ATF7IP2: variants seen among roughly 807,000 people sequenced by gnomAD.
ATF7IP2 encodes the protein activating transcription factor 7 interacting protein 2.
Under a neutral mutation model 64.2 loss-of-function variants are expected in ATF7IP2, and 42 were observed. The ratio of observed to expected loss-of-function variants is 0.65; its 90% confidence interval spans 0.51 to 0.85. The LOEUF is 0.85. ATF7IP2 is among the 40% of genes least tolerant of loss of function. ATF7IP2 has a pLI of 0.00. For missense variants in ATF7IP2, 933 were observed against 784.2 expected (o/e 1.19, Z -2.27); for synonymous variants, 308 against 272.8 (o/e 1.13, Z -1.27).
chr16:10,473,906 T>TA lies in ATF7IP2; in HGVS notation c.1483-17_1483-16insA, dbSNP rs1412876344. The TA allele has an allele frequency of 2.7e-6, 4 of 1,458,750 alleles. No homozygotes were observed. Among genetic ancestry groups the TA allele is most frequent in the Non-Finnish European group, 3.7e-6 (4 of 1,082,960 alleles). 90.4% of individuals were successfully genotyped at this position (1,458,750 alleles called of 1,614,324 possible). On this transcript the variant is annotated splice_polypyrimidine_tract_variant and intron_variant, in intron 11 of 13. Transcript: ENST00000562102. ...TATTGAGGCAAAGCTTTTTTTTTTT[T>TA]TTTACAATTTTTTTAGGCTGTACAG...
intron 9 of ATF7IP2, among the ~76,000 whole-genome samples, chr16:10,471,360 T>C (rs1250280048): frequency 6.6e-6 from 1 of 152,126 alleles, no homozygotes. Flanking sequence ...AAACCCTGTC[T>C]CTACTAAAAA....
Position 10,481,786 on chromosome 16 carries a change from C to A in ATF7IP2, c.1636-50C>A, listed in dbSNP as rs142645543. 4.0e-5 allele frequency: 56 copies of A among 1,402,348 alleles called. No individual in the cohort carries two copies. In the African/African-American group the frequency reaches 7.7e-4, roughly 19 times the overall value. The allele number at this position is 1,402,348 out of a possible 1,614,324, so 86.9% of individuals were successfully genotyped here. A position where few individuals can be genotyped will look rare whatever the true frequency, so the allele number is the denominator to read the frequency against. On this transcript the variant is annotated intron_variant, in intron 13 of 13. Transcript: ENST00000562102. The stretch of plus-strand genomic sequence containing the variant: ...GAATGAGAAATATATATTTCTACAA[C>A]TGCAATTGACCACTTTAAAAGCTAT...
At chr16:10,466,600 C>G (rs1264951596) in intron 9 of ATF7IP2, among the ~76,000 whole-genome samples, 1 of 151,924 alleles carries the variant, frequency 6.6e-6, no homozygotes, top group African/African-American at 2.4e-5. Flanking sequence ...ATTTGTATTT[C>G]CTTCTAATAA....
chr16:10,458,187 C>A (rs7195060), intron 9 of ATF7IP2, among the ~76,000 whole-genome samples: 83,429 of 152,016 alleles, frequency 0.55, 22,961 homozygotes, highest in East Asian at 0.69. Flanking sequence ...TGGGGGATTT[C>A]ACATGCAGTT....
At chr16:10,465,412 A>G (rs767308549) in intron 9 of ATF7IP2, among the ~76,000 whole-genome samples, 6 of 152,016 alleles carry the variant, frequency 3.9e-5, no homozygotes, top group Non-Finnish European at 7.4e-5. Context: ...TTCCATAAAA[A>G]TTATCAGTTT....
At chr16:10,459,387 G>C (rs1437716225) in intron 9 of ATF7IP2, among the ~76,000 whole-genome samples, 1 of 151,722 alleles carries the variant, frequency 6.6e-6, no homozygotes, top group Non-Finnish European at 1.5e-5. Context: ...AGAATGGCTT[G>C]AACCTGGGAG....
At chr16:10,399,249 G>A (rs918325556) in intron 1 of ATF7IP2, among the ~76,000 whole-genome samples, 2 of 152,180 alleles carry the variant, frequency 1.3e-5, no homozygotes, top group Non-Finnish European at 2.9e-5. Context: ...TGAAAAAATA[G>A]TAATACTAAA....
rs575923635 is a variant in ATF7IP2, at chr16:10,410,195, C to A, written c.-241-4379C>A. On this transcript the variant is annotated intron_variant, in intron 1 of 13. Coordinates refer to ENST00000562102, the MANE Select transcript of ATF7IP2 (RefSeq NM_001393719.1). ...TCATTTTCACAGTATTGTCTCTACC[C>A]ATCCGTGAGCACGGGATGTGTTTTC... Among the ~76,000 whole-genome samples the A allele has an allele frequency of 2.0e-5, 3 of 152,280 alleles. No individual in the cohort carries two copies. The South Asian group carries it at 6.2e-4, about 32-fold the overall frequency.
At chr16:10,428,542 G>C (rs1166265569) in intron 3 of ATF7IP2, among the ~76,000 whole-genome samples, 2 of 152,086 alleles carry the variant, frequency 1.3e-5, no homozygotes, top group African/African-American at 4.8e-5. Flanking sequence ...TGTGATTGGG[G>C]GATTTATTTG....
At chr16:10,444,808 G>A (rs1228421915) in intron 8 of ATF7IP2, among the ~76,000 whole-genome samples, 2 of 152,110 alleles carry the variant, frequency 1.3e-5, no homozygotes, top group Admixed American at 6.5e-5. Flanking sequence ...GCACTGAAAC[G>A]AGTTCCATTA....
At chr16:10,426,582 A>T (rs2048090263) in intron 3 of ATF7IP2, among the ~76,000 whole-genome samples, 1 of 152,178 alleles carries the variant, frequency 6.6e-6, no homozygotes, top group African/African-American at 2.4e-5. Flanking sequence ...TTCTTACTAT[A>T]TATTGTAATA....
At chr16:10,453,396 G>T (rs551417011) in intron 8 of ATF7IP2, among the ~76,000 whole-genome samples, 1 of 152,086 alleles carries the variant, frequency 6.6e-6, no homozygotes, top group Admixed American at 6.6e-5. Context: ...GCTTTAGCTC[G>T]CTGTCTGTGG....
intron 12 of ATF7IP2, among the ~76,000 whole-genome samples, chr16:10,474,196 G>T (rs2049918295): frequency 6.6e-6 from 1 of 152,084 alleles, no homozygotes. Flanking sequence ...CTCACACCTT[G>T]TTTCTGCCCC....
At chr16:10,455,459 T>G (rs2049133388) in intron 8 of ATF7IP2, among the ~76,000 whole-genome samples, 1 of 152,248 alleles carries the variant, frequency 6.6e-6, no homozygotes, top group Admixed American at 6.5e-5. Context: ...AACTTTTGGC[T>G]TCTAAAGCTG....
chr16:10,406,099 AAG>A (rs2047633918), intron 1 of ATF7IP2, among the ~76,000 whole-genome samples: 1 of 151,864 alleles, frequency 6.6e-6, no homozygotes, highest in Non-Finnish European at 1.5e-5. Context: ...AAAAAAAAAA[AAG>A]AAAAGCTTCA....
rs534432787 is a variant in ATF7IP2, at chr16:10,411,329, C to T, written c.-241-3245C>T. Reference sequence around the variant, plus strand: ...TGCCTGGTACGATTCAGCTGTGAGTCTGTCTGGTACTGGGCCTTTTTGTTT... The same window carrying T: ...TGCCTGGTACGATTCAGCTGTGAGTTTGTCTGGTACTGGGCCTTTTTGTTT... On this transcript the variant is annotated intron_variant, in intron 1 of 13. Transcript: ENST00000562102. Among the ~76,000 whole-genome samples, 72 of 144,080 alleles carry T rather than the reference C, an allele frequency of 5.0e-4. No homozygotes were observed. In the South Asian group the frequency reaches 0.016, roughly 31 times the overall value. 94.5% of individuals were successfully genotyped at this position (144,080 alleles called of 152,430 possible).
chr16:10,438,954 G>A (rs1362202531), intron 7 of ATF7IP2, among the ~76,000 whole-genome samples: 2 of 151,224 alleles, frequency 1.3e-5, no homozygotes, highest in African/African-American at 4.9e-5. Context: ...TCAGGAGGCT[G>A]AGGCAGGAGA....
intron 1 of ATF7IP2, among the ~76,000 whole-genome samples, chr16:10,413,855 A>C (rs755148475): frequency 9.2e-5 from 14 of 152,180 alleles, no homozygotes; most frequent in Non-Finnish European, 1.9e-4. Flanking sequence ...GGCTGAAGAT[A>C]GGGCCCCAAA....
chr16:10,401,791 ATT>A (rs2047540999), intron 1 of ATF7IP2, among the ~76,000 whole-genome samples: 1 of 148,628 alleles, frequency 6.7e-6, no homozygotes, highest in African/African-American at 2.5e-5. Flanking sequence ...AGTCTCACTA[ATT>A]ATTCATCTAT....
Sources: allele counts gnomAD v4.1 joint callset (sites outside exome capture counted in the v4.1 genomes callset), GRCh38; gene constraint gnomAD v4.1.1; transcripts MANE v1.5; gene names NCBI Gene and HGNC (gene_info 2026-07-23, HGNC 2026-07-21).